The following LEPR variants were observed in gnomAD, a reference collection of about 807,000 sequenced individuals.
The protein encoded by LEPR is leptin receptor.
LEPR carries 56 observed loss-of-function variants against 114.7 expected under a neutral mutation model. The ratio of observed to expected loss-of-function variants is 0.49; its 90% CI spans 0.39 to 0.61. The LOEUF (loss-of-function observed/expected upper bound fraction) is 0.61, where lower values mean the gene tolerates loss of function less well. LEPR is among the 20% of genes least tolerant of loss of function. The pLI, the probability that LEPR is intolerant of heterozygous loss-of-function variation, is 0.00. For synonymous variants in LEPR, 443 were observed against 461.4 expected (o/e 0.96, Z 0.51); for missense variants, 1,202 against 1,352.9 (o/e 0.89, Z 1.75).
Position 65,452,838 on chromosome 1 carries a change from A to T in LEPR, c.-21+27460A>T, listed in dbSNP as rs556915226. 1.1e-4 allele frequency among the ~76,000 whole-genome samples: 17 copies of T among 152,258 alleles called. No individual in the cohort carries two copies. In the South Asian group the frequency reaches 2.5e-3, roughly 22 times the overall value. On this transcript the variant is annotated intron_variant, in intron 2 of 19. Transcript: ENST00000349533. ...TCCCTCTTTTTCTATTGATTGGAGT[A>T]GTTTCAGAAGGAATGGTACCAGTTC... is the stretch of plus-strand genomic sequence containing the variant.
At chr1:65,530,143 A>G (rs1046778482) in intron 2 of LEPR, among the ~76,000 whole-genome samples, 15 of 152,146 alleles carry the variant, frequency 9.9e-5, no homozygotes, top group Admixed American at 6.5e-5. Context: ...CCAAACCTGC[A>G]CTATCTGCAG....
rs1346665694 is a variant in LEPR, at chr1:65,633,273, A to G, written c.2674-2918A>G. 6.5e-7 allele frequency: 1 copy of G among 1,548,302 alleles called. No homozygotes were observed. Among genetic ancestry groups the G allele is most frequent in the Non-Finnish European group, 8.7e-7 (1 of 1,152,602 alleles). On this transcript the variant is annotated intron_variant, in intron 19 of 19. Coordinates refer to ENST00000349533, the MANE Select transcript of LEPR (RefSeq NM_002303.6). This position sits in a 1 kb window ranked among gnomAD's most constrained non-coding sequence, Gnocchi z 4.1. ...TTTTGAAGAAGGGGAGCAAATCTAA[A>G]AAAAATTCAGTTGAACTTCTGAGAG... is the stretch of plus-strand genomic sequence containing the variant.
At chr1:65,540,566 G>A (rs185138544) in intron 2 of LEPR, among the ~76,000 whole-genome samples, 129 of 152,186 alleles carry the variant, frequency 8.5e-4, no homozygotes, top group Middle Eastern at 6.8e-3. Context: ...GCTTCTTGAG[G>A]CCCTCACCAG....
In LEPR at chr1:65,621,371, A is replaced by G. The variant is rs750897640; in HGVS notation, c.2510A>G (p.Gln837Arg). ...SFTQDDIEKHQSDAGLYVIVP... is the reference protein window; with the variant it reads ...SFTQDDIEKHRSDAGLYVIVP... ...TTTTCAGATGATATTGAAAAACACCAGAGTGATGCAGGTTTATATGTAATT... is the reference window on the plus strand; with the variant it reads ...TTTTCAGATGATATTGAAAAACACCGGAGTGATGCAGGTTTATATGTAATT... The change falls in exon 18 of 20, where the codon CAG becomes CGG. Residue 837 changes from glutamine to arginine, a missense_variant. Transcript: ENST00000349533. 2 of 1,613,184 alleles carry G rather than the reference A, an allele frequency of 1.2e-6. No homozygotes were observed. Among genetic ancestry groups the G allele is most frequent in the Admixed American group, 1.7e-5 (1 of 59,952 alleles).
At chr1:65,558,501 G>GTTTT (rs781558613) in intron 2 of LEPR, among the ~76,000 whole-genome samples, 1 of 23,160 alleles carries the variant, frequency 4.3e-5, no homozygotes, top group African/African-American at 2.1e-4. Context: ...GTTTCTTAAT[G>GTTTT]TTTTTTTTTT....
intron 2 of LEPR, among the ~76,000 whole-genome samples, chr1:65,482,032 A>G (rs1647257436): frequency 6.6e-6 from 1 of 152,028 alleles, no homozygotes; most frequent in Non-Finnish European, 1.5e-5. Flanking sequence ...ATCAATATAC[A>G]AATACATTGT....
intron 5 of LEPR, among the ~76,000 whole-genome samples, chr1:65,589,247 C>G (rs1390935486): frequency 6.6e-6 from 1 of 151,922 alleles, no homozygotes; most frequent in Non-Finnish European, 1.5e-5. Flanking sequence ...AACATTTTGC[C>G]TATCTTTTTA....
intron 2 of LEPR, among the ~76,000 whole-genome samples, chr1:65,505,840 C>T (rs1265969195): frequency 6.6e-6 from 1 of 151,594 alleles, no homozygotes; most frequent in Non-Finnish European, 1.5e-5. Flanking sequence ...TCATCTGTTT[C>T]CTGATAGGCT....
intron 2 of LEPR, among the ~76,000 whole-genome samples, chr1:65,528,288 C>T (rs1557641693): frequency 1.3e-5 from 2 of 152,070 alleles, no homozygotes; most frequent in Non-Finnish European, 2.9e-5. Context: ...ATAGTCTGCT[C>T]TAATTCTTAA....
At chr1:65,442,771 A>T (rs1646665732) in intron 2 of LEPR, among the ~76,000 whole-genome samples, 1 of 152,192 alleles carries the variant, frequency 6.6e-6, no homozygotes, top group African/African-American at 2.4e-5. Context: ...AACAAAACCA[A>T]CCTGGGAATA....
intron 19 of LEPR, among the ~76,000 whole-genome samples, chr1:65,631,387 C>T (rs1658514880): frequency 6.6e-6 from 1 of 152,050 alleles, no homozygotes; most frequent in East Asian, 1.9e-4. Context: ...CCGCTGTATA[C>T]GGCAGGGCTA....
At chr1:65,430,753 G>C (rs1352190409) in intron 2 of LEPR, among the ~76,000 whole-genome samples, 1 of 151,616 alleles carries the variant, frequency 6.6e-6, no homozygotes, top group African/African-American at 2.4e-5. Flanking sequence ...TAAGAAATAG[G>C]TACTGTCTCT....
At chr1:65,557,037 C>T (rs149568456) in intron 2 of LEPR, among the ~76,000 whole-genome samples, 8 of 152,138 alleles carry the variant, frequency 5.3e-5, no homozygotes, top group African/African-American at 1.7e-4. Context: ...CTGATAGTTC[C>T]GGGAAGAAAT....
intron 15 of LEPR, 102 bp downstream of exon 15, chr1:65,616,326 G>T: frequency 1.7e-6 from 2 of 1,210,182 alleles, no homozygotes; most frequent in Non-Finnish European, 2.3e-6. Flanking sequence ...GCAATTCTCT[G>T]CATCTGAAAG....
chr1:65,634,178 T>G lies in LEPR; in HGVS notation c.2674-2013T>G, dbSNP rs939172111. 6 of 984,646 alleles carry G rather than the reference T, an allele frequency of 6.1e-6. No individual in the cohort carries two copies. The African/African-American group carries it at 8.7e-5, about 14-fold the overall frequency. The allele number at this position is 984,646 out of a possible 1,614,324, so 61.0% of individuals were successfully genotyped here. A position where few individuals can be genotyped will look rare whatever the true frequency, so the allele number is the denominator to read the frequency against. ...CTCACATTCAAACCAAACCAACGAC[T>G]ATGTTTAATGAACTCAGTATTCAAA... On this transcript the variant is annotated intron_variant, in intron 19 of 19. Coordinates refer to ENST00000349533, the MANE Select transcript of LEPR (RefSeq NM_002303.6).
At chr1:65,546,606 G>A (rs1439488914) in intron 2 of LEPR, among the ~76,000 whole-genome samples, 1 of 152,112 alleles carries the variant, frequency 6.6e-6, no homozygotes, top group Non-Finnish European at 1.5e-5. Flanking sequence ...TTGGCTCTCT[G>A]TTTGTCTGTT....
At chr1:65,488,160 CT>C (rs1251952904) in intron 2 of LEPR, among the ~76,000 whole-genome samples, 319 of 17,254 alleles carry the variant, frequency 0.018, 4 homozygotes, top group African/African-American at 0.048. Context: ...TCCTTCCTTC[CT>C]TTCTTTCTTT....
intron 2 of LEPR, among the ~76,000 whole-genome samples, chr1:65,553,489 C>T (rs1243920393): frequency 1.3e-5 from 2 of 152,002 alleles, no homozygotes; most frequent in Non-Finnish European, 2.9e-5. Context: ...GACATCCTTT[C>T]TTCCGCTTGT....
intron 2 of LEPR, among the ~76,000 whole-genome samples, chr1:65,441,881 C>T (rs1346212798): frequency 6.6e-6 from 1 of 152,202 alleles, no homozygotes; most frequent in African/African-American, 2.4e-5. Context: ...CCCATTGCTT[C>T]TCCCTCCTTT....
Sources: allele counts gnomAD v4.1 joint callset (sites outside exome capture counted in the v4.1 genomes callset), GRCh38; gene constraint gnomAD v4.1.1; non-coding constraint Gnocchi (gnomAD v3.1); transcripts MANE v1.5; gene names NCBI Gene and HGNC (gene_info 2026-07-23, HGNC 2026-07-21).